TSGA10: variants seen among roughly 807,000 people sequenced by gnomAD.
TSGA10 encodes testis specific 10, also known as testis-specific gene 10 protein.
TSGA10 carries 43 observed loss-of-function variants against 96.6 expected under a neutral mutation model. The observed-to-expected ratio is 0.44, with a 90% CI of 0.35 to 0.57. The LOEUF (loss-of-function observed/expected upper bound fraction) is 0.57, where lower values mean the gene tolerates loss of function less well. Ranked by LOEUF, TSGA10 falls within the 20% of genes least tolerant of loss-of-function variation. TSGA10 has a pLI of 0.01. For missense variants in TSGA10, 703 were observed against 834.4 expected (o/e 0.84, Z 1.94); for synonymous variants, 229 against 269.9 (o/e 0.85, Z 1.48).
intron 1 of TSGA10, chr2:99,142,318 C>T (rs140302633): frequency 6.6e-6 from 1 of 152,192 alleles, no homozygotes; most frequent in Non-Finnish European, 1.5e-5. Flanking sequence ...CAGCAATTCT[C>T]TGATGACCTT....
intron 14 of TSGA10, among the ~76,000 whole-genome samples, chr2:99,071,087 C>T (rs1475578468): frequency 6.6e-6 from 1 of 152,110 alleles, no homozygotes; most frequent in Non-Finnish European, 1.5e-5. Context: ...AGAACACAGA[C>T]TTTCAGGATG....
chr2:99,070,955 A>G (rs540422003), intron 14 of TSGA10, among the ~76,000 whole-genome samples: 1 of 152,280 alleles, frequency 6.6e-6, no homozygotes, highest in Admixed American at 6.5e-5. Flanking sequence ...TTTCTATTCC[A>G]GGATCCCATT....
chr2:99,065,197 C>A, intron 15 of TSGA10, 73 bp from the exon 16 acceptor site: 9 of 1,497,988 alleles, frequency 6.0e-6, no homozygotes, highest in South Asian at 2.7e-5. Context: ...TTATCCAAGT[C>A]ATTGGGAATT....
At chr2:99,107,312 G>T (rs1441744490) in intron 7 of TSGA10, among the ~76,000 whole-genome samples, 1 of 152,084 alleles carries the variant, frequency 6.6e-6, no homozygotes, top group Non-Finnish European at 1.5e-5. Context: ...GGAGTCCATG[G>T]TCTCTCCCTC....
At chr2:99,089,755 C>T (rs1405409339) in intron 10 of TSGA10, among the ~76,000 whole-genome samples, 1 of 152,122 alleles carries the variant, frequency 6.6e-6, no homozygotes, top group Non-Finnish European at 1.5e-5. Flanking sequence ...TGGTAGCAAG[C>T]CCCACCCAAG....
chr2:99,127,940 G>C (rs1315950800), intron 1 of TSGA10, among the ~76,000 whole-genome samples: 1 of 152,126 alleles, frequency 6.6e-6, no homozygotes, highest in Non-Finnish European at 1.5e-5. Context: ...ACAAATGTTA[G>C]AGATTTTTCA....
In TSGA10 at chr2:99,063,984, A is replaced by T. The variant is rs895864990; in HGVS notation, c.1404+955T>A. Among the ~76,000 whole-genome samples, 73 of 152,288 alleles carry T rather than the reference A, an allele frequency of 4.8e-4. 1 individual carries two copies. Among genetic ancestry groups the T allele is most frequent in the African/African-American group, 1.7e-3 (72 of 41,562 alleles). On this transcript the variant is annotated intron_variant, in intron 16 of 20. Transcript: ENST00000393483. Reference sequence around the variant, plus strand: ...ATCAAGGAAGCACAAGACAAAAAGTATGGAAAAAATTGTCTGACAATATCA... The same window carrying T: ...ATCAAGGAAGCACAAGACAAAAAGTTTGGAAAAAATTGTCTGACAATATCA...
At chr2:99,103,276 A>G (rs1315389159) in intron 10 of TSGA10, among the ~76,000 whole-genome samples, 1 of 152,128 alleles carries the variant, frequency 6.6e-6, no homozygotes, top group Non-Finnish European at 1.5e-5. Context: ...CGTCACCTAG[A>G]TATTAAGCTA....
At chr2:99,053,626 A>C (rs1025085534) in intron 16 of TSGA10, among the ~76,000 whole-genome samples, 1 of 152,200 alleles carries the variant, frequency 6.6e-6, no homozygotes, top group African/African-American at 2.4e-5. Context: ...ACCTCAACAC[A>C]ATAAAGGCTA....
At chr2:99,092,088 C>A (rs2089422683) in intron 10 of TSGA10, among the ~76,000 whole-genome samples, 1 of 152,128 alleles carries the variant, frequency 6.6e-6, no homozygotes, top group Non-Finnish European at 1.5e-5. Flanking sequence ...AGTACTGTCT[C>A]TGACCACAGT....
At chr2:99,098,665 C>T (rs13425203) in intron 10 of TSGA10, among the ~76,000 whole-genome samples, 1 of 151,730 alleles carries the variant, frequency 6.6e-6, no homozygotes, top group Non-Finnish European at 1.5e-5. Flanking sequence ...CTAATAATAA[C>T]CACCAACTGC....
At chr2:99,101,095 C>T (rs1305173274) in intron 10 of TSGA10, among the ~76,000 whole-genome samples, 1 of 150,804 alleles carries the variant, frequency 6.6e-6, no homozygotes, top group Non-Finnish European at 1.5e-5. Flanking sequence ...AACCCCATCT[C>T]TACTAAAAAT....
intron 17 of TSGA10, among the ~76,000 whole-genome samples, chr2:99,030,022 A>G (rs1373076333): frequency 6.6e-6 from 1 of 152,238 alleles, no homozygotes; most frequent in Non-Finnish European, 1.5e-5. Context: ...GGATTTGGCA[A>G]GTTCATAGGA....
chr2:99,090,331 ATTC>A lies in TSGA10; in HGVS notation c.612-8937_612-8935del, dbSNP rs2089164712. On this transcript the variant is annotated intron_variant, in intron 10 of 20. Transcript: ENST00000393483. ...CAAATGAGAAGGAACAAGAAAAACA[ATTC>A]TGGTAATATGACAAAACAAAGTTCT... 8.5e-5 allele frequency among the ~76,000 whole-genome samples: 13 copies of A among 152,292 alleles called. 1 individual carries two copies. In the South Asian group the frequency reaches 2.7e-3, roughly 32 times the overall value.
intron 1 of TSGA10, among the ~76,000 whole-genome samples, chr2:99,143,898 CT>C (rs2093603529): frequency 6.6e-6 from 1 of 152,120 alleles, no homozygotes; most frequent in Non-Finnish European, 1.5e-5. Context: ...TCTGTTATTA[CT>C]ATTTTTTGTT....
rs2093732597 is a variant in TSGA10, at chr2:99,154,856, C to G, written c.-784G>C. On this transcript the variant is annotated 5_prime_UTR_variant, in exon 1 of 21. Transcript: ENST00000393483. The stretch of plus-strand genomic sequence containing the variant: ...CCTTACTTAGCACTCCTGCGGGCTG[C>G]CGGGACCCCACGGCTCCGCAGGCGG... The G allele has an allele frequency of 2.9e-6, 1 of 350,102 alleles. No homozygotes were observed. Among genetic ancestry groups the G allele is most frequent in the Non-Finnish European group, 5.7e-6 (1 of 176,130 alleles). 21.7% of individuals were successfully genotyped at this position (350,102 alleles called of 1,614,324 possible).
chr2:99,021,626 G>A (rs528640463), intron 17 of TSGA10, among the ~76,000 whole-genome samples: 2 of 152,136 alleles, frequency 1.3e-5, no homozygotes, highest in Non-Finnish European at 2.9e-5. Context: ...TGGAGTGGGG[G>A]CAGCACTATG....
At position 99,141,036 on chromosome 2, in the gene TSGA10, T is replaced by A. The variant is rs755649757; in HGVS notation, c.-621+13657A>T. The A allele has an allele frequency of 9.7e-6, 12 of 1,233,400 alleles. No individual in the cohort carries two copies. The South Asian group carries it at 1.6e-4, about 16-fold the overall frequency. The allele number at this position is 1,233,400 out of a possible 1,614,324, so 76.4% of individuals were successfully genotyped here. A position where few individuals can be genotyped will look rare whatever the true frequency, so the allele number is the denominator to read the frequency against. ...AGCCGCCTTCTCAGAGACCTTCCAG[T>A]CCAGTAGCAGCACTCTCCCCACCCC... On this transcript the variant is annotated intron_variant, in intron 1 of 20. Transcript: ENST00000393483.
intron 16 of TSGA10, among the ~76,000 whole-genome samples, chr2:99,057,093 T>C (rs2084089029): frequency 6.6e-6 from 1 of 151,726 alleles, no homozygotes; most frequent in Admixed American, 6.6e-5. Context: ...AGGTTTTCTA[T>C]AAAAAACCAA....
Sources: allele counts gnomAD v4.1 joint callset (sites outside exome capture counted in the v4.1 genomes callset), GRCh38; gene constraint gnomAD v4.1.1; transcripts MANE v1.5; gene names NCBI Gene and HGNC (gene_info 2026-07-23, HGNC 2026-07-21).